Variants in AKAP6 observed in about 807,000 individuals in gnomAD.
AKAP6 encodes A-kinase anchoring protein 6.
In AKAP6, 58 loss-of-function variants were observed where a neutral mutation model predicts 188.5. The observed-to-expected ratio is 0.31, with a 90% confidence interval of 0.25 to 0.38. AKAP6 has a LOEUF of 0.38. AKAP6 is among the 10% of genes least tolerant of loss of function. The pLI is 1.00. For synonymous variants in AKAP6, 989 were observed against 998.6 expected (o/e 0.99, Z 0.18); for missense variants, 2,710 against 2,740.0 (o/e 0.99, Z 0.24).
At chr14:32,615,697 G>A (rs980408801) in intron 7 of AKAP6, among the ~76,000 whole-genome samples, 37 of 146,778 alleles carry the variant, frequency 2.5e-4, no homozygotes, top group East Asian at 6.1e-4. Flanking sequence ...TCAGGTTCAC[G>A]CCATTCTCCT....
intron 1 of AKAP6, among the ~76,000 whole-genome samples, chr14:32,354,322 G>A (rs545296546): frequency 1.9e-4 from 28 of 151,018 alleles, no homozygotes; most frequent in South Asian, 1.3e-3. Context: ...AACAATTTTT[G>A]CAGGGAAAGC....
At chr14:32,348,652 A>T (rs752798203) in intron 1 of AKAP6, among the ~76,000 whole-genome samples, 1 of 151,964 alleles carries the variant, frequency 6.6e-6, no homozygotes, top group Non-Finnish European at 1.5e-5. Context: ...ATCTCAAATG[A>T]TCCACCCATG....
chr14:32,524,996 C>A (rs1400670459), intron 2 of AKAP6, among the ~76,000 whole-genome samples: 1 of 151,530 alleles, frequency 6.6e-6, no homozygotes, highest in Admixed American at 6.6e-5. Flanking sequence ...CTATTAATTT[C>A]TACCTGAAAC....
At chr14:32,369,350 G>A (rs1419269525) in intron 1 of AKAP6, among the ~76,000 whole-genome samples, 1 of 152,216 alleles carries the variant, frequency 6.6e-6, no homozygotes, top group Non-Finnish European at 1.5e-5. Context: ...GTTAGACAAA[G>A]TCATTAGATG....
intron 12 of AKAP6, among the ~76,000 whole-genome samples, chr14:32,775,351 G>A (rs989465721): frequency 2.6e-5 from 4 of 151,308 alleles, no homozygotes; most frequent in Non-Finnish European, 5.9e-5. Context: ...GCAAAGTTGT[G>A]TTTCTTTGAG....
chr14:32,784,641 T>G (rs2033348658), intron 12 of AKAP6, among the ~76,000 whole-genome samples: 1 of 152,356 alleles, frequency 6.6e-6, no homozygotes, highest in East Asian at 1.9e-4. Context: ...ATTGAACATG[T>G]ACTGTTTCTC....
intron 2 of AKAP6, among the ~76,000 whole-genome samples, chr14:32,454,618 A>ACCTT (rs145451266): frequency 0.024 from 1,912 of 80,724 alleles, 148 homozygotes; most frequent in African/African-American, 0.12. Flanking sequence ...TGAAAACTTG[A>ACCTT]CCTTCCTTCC....
chr14:32,385,607 T>C (rs984246981), intron 1 of AKAP6, among the ~76,000 whole-genome samples: 4 of 151,844 alleles, frequency 2.6e-5, no homozygotes, highest in African/African-American at 9.6e-5. Context: ...GTCATTCTTA[T>C]GCCTTTGCAT....
intron 1 of AKAP6, among the ~76,000 whole-genome samples, chr14:32,343,448 C>T (rs10150678): frequency 0.38 from 56,790 of 151,248 alleles, 11,805 homozygotes; most frequent in African/African-American, 0.57. Context: ...AGTCTTGTAC[C>T]ATAATCTACT....
chr14:32,702,496 T>C (rs1425040833), intron 9 of AKAP6, among the ~76,000 whole-genome samples: 1 of 151,964 alleles, frequency 6.6e-6, no homozygotes, highest in African/African-American at 2.4e-5. Flanking sequence ...TTCTCAACAA[T>C]GTTTGAAACA....
chr14:32,613,877 G>A (rs1164599782), intron 7 of AKAP6, among the ~76,000 whole-genome samples: 1 of 152,066 alleles, frequency 6.6e-6, no homozygotes, highest in African/African-American at 2.4e-5. Flanking sequence ...GGGACACAAT[G>A]TTTTTTTCTC....
intron 12 of AKAP6, among the ~76,000 whole-genome samples, chr14:32,807,699 G>A (rs1351439591): frequency 6.6e-6 from 1 of 152,122 alleles, no homozygotes; most frequent in Non-Finnish European, 1.5e-5. Flanking sequence ...TTTTAGAGTT[G>A]TGGAAATAAA....
At chr14:32,540,984 G>A (rs2139136159) in intron 3 of AKAP6, among the ~76,000 whole-genome samples, 2 of 151,572 alleles carry the variant, frequency 1.3e-5, no homozygotes, top group African/African-American at 2.4e-5. Context: ...GGTGATGAGT[G>A]CACCAAAATC....
At chr14:32,712,201 G>A (rs1189604403) in intron 9 of AKAP6, among the ~76,000 whole-genome samples, 1 of 151,994 alleles carries the variant, frequency 6.6e-6, no homozygotes, top group African/African-American at 2.4e-5. Flanking sequence ...ACACTATACT[G>A]TAGGCTGTTA....
intron 12 of AKAP6, among the ~76,000 whole-genome samples, chr14:32,806,344 C>CT (rs1456580877): frequency 1.3e-5 from 2 of 152,138 alleles, no homozygotes; most frequent in Non-Finnish European, 2.9e-5. Flanking sequence ...CTTGATTCAC[C>CT]TTTTTATCTG....
At chr14:32,747,532 A>G (rs550867399) in intron 11 of AKAP6, among the ~76,000 whole-genome samples, 2 of 152,318 alleles carry the variant, frequency 1.3e-5, no homozygotes, top group Admixed American at 1.3e-4. Context: ...AACCACGTAT[A>G]TTCATCAACA....
intron 2 of AKAP6, among the ~76,000 whole-genome samples, chr14:32,457,222 C>T (rs1456727302): frequency 6.6e-6 from 1 of 152,084 alleles, no homozygotes. Flanking sequence ...GTGGTATCTA[C>T]TGAGTAGGGC....
At chr14:32,610,087 T>C (rs1886292837) in intron 7 of AKAP6, among the ~76,000 whole-genome samples, 1 of 152,206 alleles carries the variant, frequency 6.6e-6, no homozygotes, top group African/African-American at 2.4e-5. Flanking sequence ...TAGGTTCATG[T>C]AAAGCCTTTT....
At chr14:32,691,172 T>A (rs965675109) in intron 8 of AKAP6, among the ~76,000 whole-genome samples, 1 of 152,152 alleles carries the variant, frequency 6.6e-6, no homozygotes, top group Admixed American at 6.5e-5. Flanking sequence ...CACCACAATT[T>A]TAATCACCTC....
Sources: allele counts gnomAD v4.1 joint callset (sites outside exome capture counted in the v4.1 genomes callset), GRCh38; gene constraint gnomAD v4.1.1; transcripts MANE v1.5; gene names NCBI Gene and HGNC (gene_info 2026-07-23, HGNC 2026-07-21).